The following LY6G6D variants were observed in gnomAD, a reference collection of about 807,000 sequenced individuals.
LY6G6D encodes the protein lymphocyte antigen 6 family member G6D.
LY6G6D carries 5 observed loss-of-function variants against 8.5 expected under a neutral mutation model. The ratio of observed to expected loss-of-function variants is 0.59; its 90% CI spans 0.31 to 1.24. The LOEUF (loss-of-function observed/expected upper bound fraction) is 1.24. LY6G6D is among the 50% of genes most tolerant of loss of function. LY6G6D has a pLI of 0.07. For synonymous variants in LY6G6D, 65 were observed against 69.6 expected (o/e 0.93, Z 0.33); for missense variants, 154 against 170.4 (o/e 0.90, Z 0.53).
rs1045667155 is a variant in LY6G6D at position 31,716,662 on chromosome 6, T to G, written c.179-919T>G. Among the ~76,000 whole-genome samples, 12 of 151,954 alleles carry G rather than the reference T, an allele frequency of 7.9e-5. No individual in the cohort carries two copies. Among genetic ancestry groups the G allele is most frequent in the African/African-American group, 2.9e-4 (12 of 41,342 alleles). On this transcript the variant is annotated intron_variant, in intron 2 of 2. Transcript: ENST00000375825. The surrounding 1 kb of genome is among the most constrained non-coding windows in gnomAD (Gnocchi z 5.1). The stretch of plus-strand genomic sequence containing the variant: ...TAGGCTAGGCTTGGTGGCACACACT[T>G]GTAATCCCAGCACTTTGGGAGGCCA...
At position 31,716,297 on chromosome 6, in the gene LY6G6D, A is replaced by T. The variant is rs375930714; in HGVS notation, c.178+673A>T. ...ATTATTTTATACCTGGAGTTTAAAA[A>T]ATTACTTTTAGGGCCAGTGCAGTCA... On this transcript the variant is annotated intron_variant, in intron 2 of 2. Coordinates refer to ENST00000375825, the MANE Select transcript of LY6G6D (RefSeq NM_021246.4). This position sits in a 1 kb window ranked among gnomAD's most constrained non-coding sequence, Gnocchi z 5.1. Among the ~76,000 whole-genome samples, 19 of 152,264 alleles carry T rather than the reference A, an allele frequency of 1.2e-4. No individual in the cohort carries two copies. In the East Asian group the frequency reaches 1.9e-3, roughly 15 times the overall value.
Position 31,716,119 on chromosome 6 carries a change from T to C in LY6G6D, c.178+495T>C, listed in dbSNP as rs1806418941. Among the ~76,000 whole-genome samples the C allele has an allele frequency of 6.6e-6, 1 of 152,182 alleles. No homozygotes were observed. The highest frequency in any genetic ancestry group is 1.5e-5 in the Non-Finnish European group (1 of 68,034). On this transcript the variant is annotated intron_variant, in intron 2 of 2. Transcript: ENST00000375825. This position sits in a 1 kb window ranked among gnomAD's most constrained non-coding sequence, Gnocchi z 5.1. ...ATTATCAAAATCACAAAATAACTGA[T>C]ACAATACTACTAACTAATCTACAGA...
rs1806501960 is a variant in LY6G6D, at chr6:31,717,286, A to C, written c.179-295A>C. 6.6e-6 allele frequency among the ~76,000 whole-genome samples: 1 copy of C among 152,142 alleles called. No individual in the cohort carries two copies. The highest frequency in any genetic ancestry group is 2.4e-5 in the African/African-American group (1 of 41,436). The stretch of plus-strand genomic sequence containing the variant: ...AAAAATTACAGATACTTGAAATACT[A>C]AAAATTATTTTATAGAATGTCCCTC... On this transcript the variant is annotated intron_variant, in intron 2 of 2. Coordinates refer to ENST00000375825, the MANE Select transcript of LY6G6D (RefSeq NM_021246.4). The surrounding 1 kb of genome is among the most constrained non-coding windows in gnomAD (Gnocchi z 5.0).
Position 31,715,418 on chromosome 6 carries a change from G to A in LY6G6D, c.55+8G>A, listed in dbSNP as rs1806347561. On this transcript the variant is annotated splice_region_variant and intron_variant, in intron 1 of 2. Transcript: ENST00000375825. Reference sequence around the variant, plus strand: ...TGCTAGGGGCTGCCTTGGGTAAGGAGGCGGCCAGCTAGCTTCTCACACAGG... The same window carrying A: ...TGCTAGGGGCTGCCTTGGGTAAGGAAGCGGCCAGCTAGCTTCTCACACAGG... 1 of 1,605,890 alleles carries A rather than the reference G, an allele frequency of 6.2e-7. No individual in the cohort carries two copies. The highest frequency in any genetic ancestry group is 1.7e-4 in the Middle Eastern group (1 of 6,032).
chr6:31,715,625 G>GT lies in LY6G6D; in HGVS notation c.178+2dup. The GT allele has an allele frequency of 6.2e-7, 1 of 1,612,118 alleles. No individual in the cohort carries two copies. Among genetic ancestry groups the GT allele is most frequent in the Non-Finnish European group, 8.5e-7 (1 of 1,179,274 alleles). On this transcript the variant is annotated splice_donor_variant, in intron 2 of 2. Transcript: ENST00000375825. LOFTEE classifies it high-confidence loss of function. The stretch of plus-strand genomic sequence containing the variant: ...GAACAGATCAAGCTACCTGGAAACC[G>GT]TGAGTCCTCAGTTTCTCCCTCTTCC...
Position 31,717,715 on chromosome 6 carries a change from G to A in LY6G6D, c.313G>A (p.Ala105Thr), listed in dbSNP as rs370412650. 16 of 1,614,026 alleles carry A rather than the reference G, an allele frequency of 9.9e-6. No individual in the cohort carries two copies. Among genetic ancestry groups the A allele is most frequent in the Admixed American group, 8.3e-5 (5 of 60,006 alleles). ...DCYLGDLCNS[A>T]VASHVAPAGI... ...CTACCTGGGAGACCTGTGCAACAGC[G>A]CCGTGGCAAGCCATGTGGCCCCTGC... Residue 105 changes from alanine to threonine, a missense_variant, in exon 3 of 3, where the codon GCC (alanine) becomes ACC (threonine). Physicochemically the swap from Ala to Thr is moderately conservative, Grantham distance 58. Transcript: ENST00000375825. This position sits in a 1 kb window ranked among gnomAD's most constrained non-coding sequence, Gnocchi z 5.0.
Position 31,716,904 on chromosome 6 carries a change from G to T in LY6G6D, c.179-677G>T, listed in dbSNP as rs369035697. On this transcript the variant is annotated intron_variant, in intron 2 of 2. Transcript: ENST00000375825. The surrounding 1 kb of genome is among the most constrained non-coding windows in gnomAD (Gnocchi z 5.1). ...ATTGCACCACCACACTCCAGCCTGAGTGAGAGAGCAAGATCTTTTCTCTAA... is the reference window on the plus strand; with the variant it reads ...ATTGCACCACCACACTCCAGCCTGATTGAGAGAGCAAGATCTTTTCTCTAA... Among the ~76,000 whole-genome samples the T allele has an allele frequency of 5.6e-3, 850 of 152,256 alleles. 22 individuals are homozygous for T. In the South Asian group the frequency reaches 0.082, roughly 15 times the overall value.
rs545520457 is a variant in LY6G6D at position 31,716,528 on chromosome 6, G to A, written c.178+904G>A. Among the ~76,000 whole-genome samples, 20 of 152,214 alleles carry A rather than the reference G, an allele frequency of 1.3e-4. No homozygotes were observed. The highest frequency in any genetic ancestry group is 4.1e-4 in the African/African-American group (17 of 41,510). ...CTCAGGGGGCTGAAGAGGGAGGATC[G>A]CTTGAGCCTGGGAGATTGAAGCTAC... is the stretch of plus-strand genomic sequence containing the variant. On this transcript the variant is annotated intron_variant, in intron 2 of 2. Transcript: ENST00000375825. The surrounding 1 kb of genome is among the most constrained non-coding windows in gnomAD (Gnocchi z 5.1).
intron 1 of LY6G6D, 38 bp downstream of exon 1, chr6:31,715,448 C>G (rs372701738): frequency 1.2e-5 from 20 of 1,605,898 alleles, no homozygotes; most frequent in Non-Finnish European, 1.7e-5. Context: ...CACAGGCCTT[C>G]TGCCAGCCGG....
At chr6:31,715,645 T>C in intron 2 of LY6G6D, 21 bp downstream of exon 2, 1 of 1,608,162 alleles carries the variant, frequency 6.2e-7, no homozygotes, top group Non-Finnish European at 8.5e-7. Flanking sequence ...AGTTTCTCCC[T>C]CTTCCAGCAG....
rs1806416586 is a variant in LY6G6D at position 31,716,072 on chromosome 6, C to G, written c.178+448C>G. Among the ~76,000 whole-genome samples, 1 of 151,904 alleles carries G rather than the reference C, an allele frequency of 6.6e-6. No individual in the cohort carries two copies. Among genetic ancestry groups the G allele is most frequent in the African/African-American group, 2.4e-5 (1 of 41,328 alleles). Reference sequence around the variant, plus strand: ...AATACTCAACTTCTCCTAATGCTAACATCTTACATAACCATAGCACAATTA... The same window carrying G: ...AATACTCAACTTCTCCTAATGCTAAGATCTTACATAACCATAGCACAATTA... On this transcript the variant is annotated intron_variant, in intron 2 of 2. Transcript: ENST00000375825. The surrounding 1 kb of genome is among the most constrained non-coding windows in gnomAD (Gnocchi z 5.1).
At position 31,717,654 on chromosome 6, in the gene LY6G6D, G is replaced by T; in HGVS notation, c.252G>T (p.Ser84=). The T allele has an allele frequency of 6.2e-7, 1 of 1,614,200 alleles. No individual in the cohort carries two copies. Among genetic ancestry groups the T allele is most frequent in the Non-Finnish European group, 8.5e-7 (1 of 1,180,036 alleles). The change falls in exon 3 of 3, where the codon TCG becomes TCT. Residue 84 remains serine (S), a synonymous_variant. Transcript: ENST00000375825. The surrounding 1 kb of genome is among the most constrained non-coding windows in gnomAD (Gnocchi z 5.0). ...AHHCNQVETE[S]VGDVTYPAHR... is the part of the protein sequence containing the mutation. ...ATTGCAATCAAGTGGAGACAGAGTC[G>T]GTGGGAGACGTGACTTATCCAGCCC... is the stretch of plus-strand genomic sequence containing the variant.
rs3138769 is a variant in LY6G6D, at chr6:31,715,950, GGTGTGTGTGT to G, written c.178+357_178+366del. On this transcript the variant is annotated intron_variant, in intron 2 of 2. Transcript: ENST00000375825. Reference sequence around the variant, plus strand: ...CGGCATTAGTTAAGGACCAGGGAGGGGTGTGTGTGTGTGTGTGTGTGTGTGTGTGTGTGTG... The same window carrying G: ...CGGCATTAGTTAAGGACCAGGGAGGGGTGTGTGTGTGTGTGTGTGTGTGTG... Among the ~76,000 whole-genome samples the G allele has an allele frequency of 1.7e-4, 25 of 147,040 alleles. 1 individual carries two copies. The highest frequency in any genetic ancestry group is 3.5e-4 in the African/African-American group (14 of 39,992).
At position 31,717,703 on chromosome 6, in the gene LY6G6D, C is replaced by T; in HGVS notation, c.301C>T (p.Leu101=). The T allele has an allele frequency of 6.2e-7, 1 of 1,614,234 alleles. No homozygotes were observed. The highest frequency in any genetic ancestry group is 1.3e-5 in the African/African-American group (1 of 75,046). The change falls in exon 3 of 3, where the codon CTG becomes TTG. Residue 101 remains leucine (L), a synonymous_variant. Coordinates refer to ENST00000375825, the MANE Select transcript of LY6G6D (RefSeq NM_021246.4). The surrounding 1 kb of genome is among the most constrained non-coding windows in gnomAD (Gnocchi z 5.0). Reference sequence around the variant, plus strand: ...CCACAGGGACTGCTACCTGGGAGACCTGTGCAACAGCGCCGTGGCAAGCCA... The same window carrying T: ...CCACAGGGACTGCTACCTGGGAGACTTGTGCAACAGCGCCGTGGCAAGCCA... ...PAHRDCYLGD[L]CNSAVASHVA...
rs1806503987 is a variant in LY6G6D, at chr6:31,717,311, C to T, written c.179-270C>T. 3.0e-6 allele frequency: 2 copies of T among 659,676 alleles called. No homozygotes were observed. The highest frequency in any genetic ancestry group is 5.0e-6 in the Non-Finnish European group (2 of 403,166). The allele number at this position is 659,676 out of a possible 1,614,324, so 40.9% of individuals were successfully genotyped here. On this transcript the variant is annotated intron_variant, in intron 2 of 2. Transcript: ENST00000375825. This position sits in a 1 kb window ranked among gnomAD's most constrained non-coding sequence, Gnocchi z 5.0. ...AAAAATTATTTTATAGAATGTCCCT[C>T]GATATTTATTTATCTGATATTTGCC... is the stretch of plus-strand genomic sequence containing the variant.
chr6:31,717,728 A>C lies in LY6G6D; in HGVS notation c.326A>C (p.His109Pro). 1 of 1,614,204 alleles carries C rather than the reference A, an allele frequency of 6.2e-7. No homozygotes were observed. The highest frequency in any genetic ancestry group is 1.1e-5 in the South Asian group (1 of 91,088). Residue 109 changes from histidine to proline, a missense_variant, in exon 3 of 3, where the codon CAT becomes CCT. By Grantham distance (77) the His-to-Pro change is moderately conservative. Coordinates refer to ENST00000375825, the MANE Select transcript of LY6G6D (RefSeq NM_021246.4). This position sits in a 1 kb window ranked among gnomAD's most constrained non-coding sequence, Gnocchi z 5.0. ...GDLCNSAVASHVAPAGILAAA... is the reference protein window; with the variant it reads ...GDLCNSAVASPVAPAGILAAA... Reference sequence around the variant, plus strand: ...CTGTGCAACAGCGCCGTGGCAAGCCATGTGGCCCCTGCAGGCATTTTGGCT... The same window carrying C: ...CTGTGCAACAGCGCCGTGGCAAGCCCTGTGGCCCCTGCAGGCATTTTGGCT...
At chr6:31,715,835 TTCTCCTAAAAGAA>T (rs1806392002) in intron 2 of LY6G6D, among the ~76,000 whole-genome samples, 1 of 152,080 alleles carries the variant, frequency 6.6e-6, no homozygotes, top group African/African-American at 2.4e-5. Context: ...CACCTCCTTA[TTCTCCTAAAAGAA>T]TCTCATAGGC....
Position 31,717,396 on chromosome 6 carries a change from T to C in LY6G6D, c.179-185T>C. ...ATACTGCAGAAGTGATGTTGCATCC[T>C]TCTTGCTGCATCACATCAGGAGTTT... is the stretch of plus-strand genomic sequence containing the variant. On this transcript the variant is annotated intron_variant, in intron 2 of 2. Coordinates refer to ENST00000375825, the MANE Select transcript of LY6G6D (RefSeq NM_021246.4). This position sits in a 1 kb window ranked among gnomAD's most constrained non-coding sequence, Gnocchi z 5.0. The C allele has an allele frequency of 6.8e-7, 1 of 1,463,836 alleles. No homozygotes were observed. Among genetic ancestry groups the C allele is most frequent in the South Asian group, 1.3e-5 (1 of 75,342 alleles). 90.7% of individuals were successfully genotyped at this position (1,463,836 alleles called of 1,614,324 possible).
Position 31,717,546 on chromosome 6 carries a change from G to A in LY6G6D, c.179-35G>A. ...CCCCAGAAGGCAAGTCCTGAAGCCA[G>A]GAGTCCAACACCCCAGTTTCATTCT... On this transcript the variant is annotated intron_variant, in intron 2 of 2. Coordinates refer to ENST00000375825, the MANE Select transcript of LY6G6D (RefSeq NM_021246.4). This position sits in a 1 kb window ranked among gnomAD's most constrained non-coding sequence, Gnocchi z 5.0. 3 of 1,614,208 alleles carry A rather than the reference G, an allele frequency of 1.9e-6. No individual in the cohort carries two copies. The highest frequency in any genetic ancestry group is 2.5e-6 in the Non-Finnish European group (3 of 1,180,038).
Sources: gnomAD v4.1 joint callset for allele counts (sites outside exome capture counted in the v4.1 genomes callset) on GRCh38, gnomAD v4.1.1 for gene constraint, Gnocchi (gnomAD v3.1) non-coding constraint, MANE v1.5 for transcripts, NCBI Gene and HGNC (gene_info 2026-07-23, HGNC 2026-07-21) for gene names.